DTWD2: variants seen among roughly 807,000 people sequenced by gnomAD.
DTWD2 encodes DTW motif tRNA-uridine aminocarboxypropyltransferase 2.
A neutral mutation model predicts 31.8 loss-of-function variants in DTWD2; 39 were observed. The observed-to-expected ratio is 1.22, with a 90% CI of 0.95 to 1.60. The LOEUF is 1.60. Among genes scored for constraint, DTWD2 ranks in the 40% most tolerant of loss-of-function variants. DTWD2 has a pLI of 0.00. For missense variants in DTWD2, 515 were observed against 381.5 expected (o/e 1.35, Z -2.92); for synonymous variants, 180 against 142.8 (o/e 1.26, Z -1.86).
chr5:118,854,956 C>T (rs1479858022), intron 4 of DTWD2, among the ~76,000 whole-genome samples: 2 of 151,634 alleles, frequency 1.3e-5, no homozygotes, highest in Admixed American at 6.6e-5. Context: ...AGCAGGAGGC[C>T]GAGGTGGGAA....
intron 4 of DTWD2, among the ~76,000 whole-genome samples, chr5:118,922,050 T>C (rs1753716630): frequency 3.9e-5 from 6 of 152,200 alleles, no homozygotes; most frequent in Admixed American, 2.6e-4. Context: ...TCCATGGAAA[T>C]ATGTTTATGA....
At chr5:118,887,065 G>A (rs1752883070) in intron 4 of DTWD2, among the ~76,000 whole-genome samples, 1 of 152,156 alleles carries the variant, frequency 6.6e-6, no homozygotes, top group African/African-American at 2.4e-5. Flanking sequence ...ATTTGAAATT[G>A]CTATTACTAG....
intron 4 of DTWD2, among the ~76,000 whole-genome samples, chr5:118,874,210 G>C (rs1285533694): frequency 6.6e-6 from 1 of 152,126 alleles, no homozygotes; most frequent in Non-Finnish European, 1.5e-5. Flanking sequence ...CCAAGGGTGA[G>C]CAATCTCAAA....
intron 1 of DTWD2, among the ~76,000 whole-genome samples, chr5:118,987,740 A>G (rs1173052953): frequency 6.6e-6 from 1 of 152,250 alleles, no homozygotes; most frequent in Non-Finnish European, 1.5e-5. Context: ...TGTTCCGAAG[A>G]AAGGTCTGAG....
chr5:118,956,212 A>G (rs1395804022), intron 1 of DTWD2, among the ~76,000 whole-genome samples: 3 of 152,134 alleles, frequency 2.0e-5, no homozygotes, highest in Admixed American at 2.0e-4. Context: ...AGGTGCTGAG[A>G]TTTTTCCCTT....
intron 1 of DTWD2, among the ~76,000 whole-genome samples, chr5:118,957,485 G>A (rs1181136441): frequency 6.6e-6 from 1 of 152,108 alleles, no homozygotes; most frequent in Non-Finnish European, 1.5e-5. Context: ...CTCACAAAGT[G>A]CTGGGATTAC....
At chr5:118,972,074 G>C (rs1755000164) in intron 1 of DTWD2, among the ~76,000 whole-genome samples, 1 of 152,008 alleles carries the variant, frequency 6.6e-6, no homozygotes, top group South Asian at 2.1e-4. Flanking sequence ...AGAGAAACAA[G>C]ACCAAACAAA....
intron 4 of DTWD2, among the ~76,000 whole-genome samples, chr5:118,886,563 C>T (rs866393660): frequency 1.3e-4 from 19 of 151,970 alleles, no homozygotes; most frequent in African/African-American, 4.1e-4. Flanking sequence ...GCAGGTAAAG[C>T]GAAGAGGTAA....
chr5:118,873,455 G>A (rs1255643645), intron 4 of DTWD2, among the ~76,000 whole-genome samples: 2 of 152,204 alleles, frequency 1.3e-5, no homozygotes, highest in African/African-American at 4.8e-5. Flanking sequence ...CTGTCTGGTA[G>A]AGAGCTTCAG....
At chr5:118,887,096 G>A (rs1752884016) in intron 4 of DTWD2, among the ~76,000 whole-genome samples, 1 of 152,160 alleles carries the variant, frequency 6.6e-6, no homozygotes, top group Admixed American at 6.5e-5. Flanking sequence ...TTTCTGAGTG[G>A]TTTGGGTGGC....
At chr5:118,904,765 G>A (rs1032080844) in intron 4 of DTWD2, among the ~76,000 whole-genome samples, 14 of 152,100 alleles carry the variant, frequency 9.2e-5, no homozygotes, top group African/African-American at 1.7e-4. Flanking sequence ...GTTATTAAAC[G>A]TTCAATTTTG....
intron 4 of DTWD2, among the ~76,000 whole-genome samples, chr5:118,875,991 TACA>T (rs1485837945): frequency 1.3e-5 from 2 of 152,140 alleles, no homozygotes; most frequent in East Asian, 1.9e-4. Flanking sequence ...GAACTAAAAT[TACA>T]ACAAGTAGTC....
At chr5:118,944,521 A>G in intron 2 of DTWD2, 38 bp downstream of exon 2, 1 of 1,580,828 alleles carries the variant, frequency 6.3e-7, no homozygotes, top group Non-Finnish European at 8.7e-7. Context: ...TTGTGGACTC[A>G]TATTCTATTT....
In DTWD2 at chr5:118,883,951, G is replaced by A. The variant is rs190536118; in HGVS notation, c.598-35733C>T. ...AAATATTTATAGTTCTGTAAGTAATGAGCAGAAGAGACAGAATAGTGTAGT... is the reference window on the plus strand; with the variant it reads ...AAATATTTATAGTTCTGTAAGTAATAAGCAGAAGAGACAGAATAGTGTAGT... On this transcript the variant is annotated intron_variant, in intron 4 of 5. Coordinates refer to ENST00000510708, the MANE Select transcript of DTWD2 (RefSeq NM_173666.4). Among the ~76,000 whole-genome samples, 11 of 152,350 alleles carry A rather than the reference G, an allele frequency of 7.2e-5. 1 individual carries two copies. The highest frequency in any genetic ancestry group is 5.2e-4 in the Admixed American group (8 of 15,308).
chr5:118,983,567 T>C (rs1403508532), intron 1 of DTWD2, among the ~76,000 whole-genome samples: 1 of 152,048 alleles, frequency 6.6e-6, no homozygotes, highest in Non-Finnish European at 1.5e-5. Flanking sequence ...CTCCAGAATA[T>C]CCAAGCCTAA....
chr5:118,934,110 C>A (rs1753983808), intron 3 of DTWD2, among the ~76,000 whole-genome samples: 1 of 149,762 alleles, frequency 6.7e-6, no homozygotes, highest in African/African-American at 2.4e-5. Context: ...ACGTAAAGTA[C>A]CTGTATGTGA....
intron 4 of DTWD2, among the ~76,000 whole-genome samples, chr5:118,900,352 TA>T (rs917691434): frequency 4.3e-4 from 65 of 152,156 alleles, no homozygotes; most frequent in African/African-American, 1.5e-3. Flanking sequence ...ATGCAAATAT[TA>T]AAAAAAGCTA....
At chr5:118,921,347 T>TA (rs1427928755) in intron 4 of DTWD2, among the ~76,000 whole-genome samples, 2 of 151,694 alleles carry the variant, frequency 1.3e-5, no homozygotes, top group Non-Finnish European at 2.9e-5. Flanking sequence ...CCCCTTCTCT[T>TA]AAAAAAAGTG....
At chr5:118,932,167 C>A (rs1258060395) in intron 3 of DTWD2, among the ~76,000 whole-genome samples, 1 of 151,666 alleles carries the variant, frequency 6.6e-6, no homozygotes, top group African/African-American at 2.4e-5. Context: ...TCCTTAAAAA[C>A]ACAACAACAA....
Sources: allele counts gnomAD v4.1 joint callset (sites outside exome capture counted in the v4.1 genomes callset), GRCh38; gene constraint gnomAD v4.1.1; transcripts MANE v1.5; gene names NCBI Gene and HGNC (gene_info 2026-07-23, HGNC 2026-07-21).